Variants in PDE11A observed in about 807,000 individuals in gnomAD.
PDE11A encodes the protein dual 3',5'-cyclic-AMP and -GMP phosphodiesterase 11A.
Under a neutral mutation model 100.5 loss-of-function variants are expected in PDE11A, and 100 were observed. The observed-to-expected ratio is 1.00, with a 90% CI of 0.85 to 1.18. The LOEUF is 1.18. PDE11A is among the 50% of genes most tolerant of loss of function. The probability of loss-of-function intolerance (pLI) is 0.00; values close to 1 mark genes in which losing one functional copy is unlikely to be tolerated. For synonymous variants in PDE11A, 381 were observed against 420.8 expected (o/e 0.91, Z 1.16); for missense variants, 1,141 against 1,152.6 (o/e 0.99, Z 0.15).
intron 5 of PDE11A, among the ~76,000 whole-genome samples, chr2:177,874,768 T>C (rs1171584567): frequency 6.6e-6 from 1 of 152,214 alleles, no homozygotes; most frequent in Non-Finnish European, 1.5e-5. Context: ...AAATTTTACT[T>C]TTTTTATTGG....
chr2:177,919,285 GGT>G (rs2085002435), intron 2 of PDE11A, among the ~76,000 whole-genome samples: 2 of 151,636 alleles, frequency 1.3e-5, no homozygotes, highest in African/African-American at 4.9e-5. Context: ...TTTTAACAGA[GGT>G]GGGGTTTCAC....
intron 10 of PDE11A, among the ~76,000 whole-genome samples, chr2:177,747,066 G>T (rs1430988308): frequency 6.6e-6 from 1 of 152,160 alleles, no homozygotes; most frequent in Non-Finnish European, 1.5e-5. Context: ...TGTAATGTCA[G>T]CTGGATAGAG....
intron 2 of PDE11A, among the ~76,000 whole-genome samples, chr2:178,012,329 A>G (rs1314710842): frequency 6.6e-6 from 1 of 152,220 alleles, no homozygotes; most frequent in Non-Finnish European, 1.5e-5. Flanking sequence ...GATAAGTGAC[A>G]AATTAAGAAT....
At chr2:177,952,703 C>T (rs542756915) in intron 2 of PDE11A, among the ~76,000 whole-genome samples, 4 of 152,232 alleles carry the variant, frequency 2.6e-5, no homozygotes, top group Non-Finnish European at 5.9e-5. Flanking sequence ...TGTAACTGAA[C>T]AGGTGATATT....
At chr2:177,970,654 T>C (rs1042445482) in intron 2 of PDE11A, among the ~76,000 whole-genome samples, 2 of 152,072 alleles carry the variant, frequency 1.3e-5, no homozygotes, top group Admixed American at 1.3e-4. Flanking sequence ...CAAATAAGCC[T>C]AGTGACCTAG....
chr2:177,681,410 C>T (rs192896340), intron 15 of PDE11A, among the ~76,000 whole-genome samples: 5 of 152,260 alleles, frequency 3.3e-5, no homozygotes, highest in African/African-American at 9.6e-5. Flanking sequence ...AACGCATAGG[C>T]TATGAAGTCT....
chr2:177,885,259 A>G (rs189591925), intron 4 of PDE11A, among the ~76,000 whole-genome samples: 1 of 151,630 alleles, frequency 6.6e-6, no homozygotes, highest in African/African-American at 2.4e-5. Context: ...TTTTCAGTTA[A>G]TATAATTGGC....
chr2:178,108,087 C>T (rs1382465644), intron 1 of PDE11A, among the ~76,000 whole-genome samples: 1 of 152,194 alleles, frequency 6.6e-6, no homozygotes, highest in Non-Finnish European at 1.5e-5. Flanking sequence ...ACTGCAGATG[C>T]TTACAACTTT....
chr2:178,071,564 C>A lies in PDE11A; in HGVS notation c.874G>T (p.Glu292Ter). 6.2e-7 allele frequency: 1 copy of A among 1,613,168 alleles called. No individual in the cohort carries two copies. Among genetic ancestry groups the A allele is most frequent in the South Asian group, 1.1e-5 (1 of 91,036 alleles). ...WGKGIIGYVG[E>*]HGETVNIPDA... ...GGAATGTTGACCGTTTCTCCATGCT[C>A]CCCGACATAGCCAATGATACCTTTG... is the stretch of plus-strand genomic sequence containing the variant. The change falls in exon 1 of 20, where the codon GAG becomes TAG. Residue 292 changes from glutamate (E) to a stop codon, truncating the protein, a stop_gained. Coordinates refer to ENST00000286063, the MANE Select transcript of PDE11A (RefSeq NM_016953.4). LOFTEE classifies it high-confidence loss of function.
intron 19 of PDE11A, among the ~76,000 whole-genome samples, chr2:177,661,296 C>T (rs1221869134): frequency 6.6e-6 from 1 of 152,206 alleles, no homozygotes; most frequent in Non-Finnish European, 1.5e-5. Context: ...TCCCACTTGC[C>T]TTCGATCCTC....
intron 1 of PDE11A, among the ~76,000 whole-genome samples, chr2:178,046,724 T>C (rs992811440): frequency 2.6e-5 from 4 of 152,162 alleles, no homozygotes; most frequent in African/African-American, 9.7e-5. Context: ...GTAGATTCTC[T>C]TTACTCTTCT....
At position 177,663,967 on chromosome 2, in the gene PDE11A, A is replaced by C. The variant is rs866806306; in HGVS notation, c.2563-18T>G. The C allele has an allele frequency of 6.5e-7, 1 of 1,540,702 alleles. No homozygotes were observed. Reference sequence around the variant, plus strand: ...AAAATTGCCTAGAATGGGGGGCAGGAAGAACCTCGCTTTATTACACCAAAG... The same window carrying C: ...AAAATTGCCTAGAATGGGGGGCAGGCAGAACCTCGCTTTATTACACCAAAG... On this transcript the variant is annotated intron_variant, in intron 18 of 19. Transcript: ENST00000286063.
intron 1 of PDE11A, among the ~76,000 whole-genome samples, chr2:178,020,163 T>C (rs1319772825): frequency 1.3e-5 from 2 of 152,166 alleles, no homozygotes; most frequent in Non-Finnish European, 2.9e-5. Context: ...AGAAGAGTGG[T>C]ATGTATTCTG....
intron 2 of PDE11A, among the ~76,000 whole-genome samples, chr2:177,909,401 G>A (rs77329420): frequency 3.4e-4 from 51 of 152,154 alleles, no homozygotes; most frequent in African/African-American, 1.2e-3. Context: ...AACAAGAGCC[G>A]CCCGACTGCC....
At chr2:177,995,109 A>C (rs896112909) in intron 2 of PDE11A, among the ~76,000 whole-genome samples, 4 of 152,210 alleles carry the variant, frequency 2.6e-5, no homozygotes, top group African/African-American at 9.6e-5. Context: ...AATTATACTT[A>C]ATGTTCAAAT....
intron 2 of PDE11A, among the ~76,000 whole-genome samples, chr2:177,942,102 C>T (rs1189544770): frequency 6.6e-6 from 1 of 152,234 alleles, no homozygotes; most frequent in African/African-American, 2.4e-5. Context: ...TGTTCATCTA[C>T]ATTAGCCTTG....
intron 2 of PDE11A, among the ~76,000 whole-genome samples, chr2:178,007,789 C>G (rs2086228520): frequency 6.6e-6 from 1 of 152,172 alleles, no homozygotes; most frequent in African/African-American, 2.4e-5. Context: ...ACTGCAACCT[C>G]TGCCTCCCGG....
chr2:177,695,983 G>T (rs1185332025), intron 15 of PDE11A, among the ~76,000 whole-genome samples: 4 of 152,162 alleles, frequency 2.6e-5, no homozygotes, highest in Admixed American at 2.0e-4. Context: ...ATTCGATGTG[G>T]GAATGGTGAT....
intron 8 of PDE11A, among the ~76,000 whole-genome samples, chr2:177,817,482 G>C (rs2083060709): frequency 6.6e-6 from 1 of 152,196 alleles, no homozygotes; most frequent in East Asian, 1.9e-4. Context: ...AGAGCGCCTG[G>C]AGTGAATGCA....
Sources: gnomAD v4.1 joint callset for allele counts (sites outside exome capture counted in the v4.1 genomes callset) on GRCh38, gnomAD v4.1.1 for gene constraint, MANE v1.5 for transcripts, NCBI Gene and HGNC (gene_info 2026-07-23, HGNC 2026-07-21) for gene names.